The following OSMR variants were observed in gnomAD, a reference collection of about 807,000 sequenced individuals.
OSMR encodes the protein oncostatin-M-specific receptor subunit beta.
A neutral mutation model predicts 99.9 loss-of-function variants in OSMR; 81 were observed. That is an observed-to-expected ratio of 0.81 (90% confidence interval 0.68 to 0.97). The LOEUF is 0.97. OSMR is among the 50% of genes least tolerant of loss of function. OSMR has a pLI of 0.00. For synonymous variants in OSMR, 406 were observed against 410.4 expected (o/e 0.99, Z 0.13); for missense variants, 1,099 against 1,153.4 (o/e 0.95, Z 0.68).
intron 9 of OSMR, among the ~76,000 whole-genome samples, chr5:38,908,547 C>G (rs1745386503): frequency 6.6e-6 from 1 of 152,226 alleles, no homozygotes; most frequent in South Asian, 2.1e-4. Context: ...TCAGTTCGGC[C>G]TCTCCAACAC....
chr5:38,884,700 T>C (rs1297601482), intron 5 of OSMR, among the ~76,000 whole-genome samples: 1 of 152,226 alleles, frequency 6.6e-6, no homozygotes, highest in African/African-American at 2.4e-5. Flanking sequence ...GTGCAGTAAA[T>C]TGGTTCCATC....
intron 1 of OSMR, among the ~76,000 whole-genome samples, chr5:38,862,712 T>C (rs1346729285): frequency 1.4e-5 from 2 of 147,460 alleles, no homozygotes; most frequent in Non-Finnish European, 3.0e-5. Flanking sequence ...CCTCACTTCC[T>C]AGATGGGATG....
chr5:38,890,764 G>A (rs571813743), intron 7 of OSMR, among the ~76,000 whole-genome samples: 3 of 152,250 alleles, frequency 2.0e-5, no homozygotes, highest in Non-Finnish European at 4.4e-5. Context: ...TAAAGAAGTT[G>A]GGAGCCTCTA....
chr5:38,892,517 A>T (rs182877297), intron 7 of OSMR, among the ~76,000 whole-genome samples: 96 of 152,242 alleles, frequency 6.3e-4, no homozygotes, highest in Non-Finnish European at 9.1e-4. Context: ...ACTTCCCCTG[A>T]AGCCTGAGAT....
Position 38,883,905 on chromosome 5 carries a change from T to C in OSMR, c.497T>C (p.Ile166Thr). 1 of 1,613,740 alleles carries C rather than the reference T, an allele frequency of 6.2e-7. No homozygotes were observed. The highest frequency in any genetic ancestry group is 1.3e-5 in the African/African-American group (1 of 75,046). Residue 166 changes from isoleucine (I) to threonine (T), a missense_variant, in exon 5 of 18, where the codon ATT becomes ACT. Transcript: ENST00000274276. The stretch of plus-strand genomic sequence containing the variant: ...GTGGAAGAAGGCACCAATGTTACCA[T>C]TTGTTACGTTTCTAGGAACATTCAA... The part of the protein sequence containing the change: ...KLVEEGTNVT[I>T]CYVSRNIQNN...
intron 2 of OSMR, among the ~76,000 whole-genome samples, chr5:38,874,680 G>A (rs868271718): frequency 3.9e-5 from 6 of 152,166 alleles, no homozygotes; most frequent in East Asian, 3.8e-4. Flanking sequence ...ATTCCATTCC[G>A]TGCAAACTTT....
chr5:38,922,713 G>T (rs537506736), intron 12 of OSMR, among the ~76,000 whole-genome samples: 2 of 152,212 alleles, frequency 1.3e-5, no homozygotes, highest in African/African-American at 4.8e-5. Flanking sequence ...AATATCGTGG[G>T]GATGAAATAC....
rs769557028 is a variant in OSMR, at chr5:38,919,020, TCTC to T, written c.1546_1548del (p.Pro516del). ...CATAGCCAACAACAGTGTGGGTGCT[TCTC>T]CTGCTTCTGTAATAGTCATCTCTGC... On this transcript the variant is annotated inframe_deletion, in exon 11 of 18. Coordinates refer to ENST00000274276, the MANE Select transcript of OSMR (RefSeq NM_003999.3). 15 of 1,614,110 alleles carry T rather than the reference TCTC, an allele frequency of 9.3e-6. No homozygotes were observed. Among genetic ancestry groups the T allele is most frequent in the Non-Finnish European group, 1.3e-5 (15 of 1,179,970 alleles).
At chr5:38,887,292 C>T (rs1306631477) in intron 7 of OSMR, among the ~76,000 whole-genome samples, 1 of 151,976 alleles carries the variant, frequency 6.6e-6, no homozygotes, top group Admixed American at 6.6e-5. Context: ...CATTTCCTAC[C>T]CCAAGATCAG....
chr5:38,932,506 A>G lies in OSMR; in HGVS notation c.2338A>G (p.Ser780Gly). Residue 780 changes from serine to glycine, a missense_variant, in exon 17 of 18, where the codon AGC becomes GGC. Transcript: ENST00000274276. ...TCCTGACATCCCTGACCCTTACAAG[A>G]GCAGCATCCTGTCATTAATAAAATT... ...CYPDIPDPYK[S>G]SILSLIKFKE... The G allele has an allele frequency of 6.2e-7, 1 of 1,613,850 alleles. No homozygotes were observed. The highest frequency in any genetic ancestry group is 1.7e-5 in the Admixed American group (1 of 60,022).
At chr5:38,938,471 CT>C (rs1206376191), downstream of OSMR, 3 of 231,502 alleles carry the variant, frequency 1.3e-5, no homozygotes, top group Non-Finnish European at 2.6e-5. Context: ...GAAAGGTATG[CT>C]TTTTTTGGCA....
rs58159819 is a variant in OSMR, at chr5:38,898,950, C to CTTTTTTTTTTT, written c.992-4918_992-4908dup. On this transcript the variant is annotated intron_variant, in intron 7 of 17. Coordinates refer to ENST00000274276, the MANE Select transcript of OSMR (RefSeq NM_003999.3). The stretch of plus-strand genomic sequence containing the variant: ...TTTGTTGTTTCTATTTACATAATAT[C>CTTTTTTTTTTT]TTTTTTTTTTTTTTTTTTTTTTTTG... Among the ~76,000 whole-genome samples, 15 of 78,288 alleles carry CTTTTTTTTTTT rather than the reference C, an allele frequency of 1.9e-4. 2 individuals carry two copies. Among genetic ancestry groups the CTTTTTTTTTTT allele is most frequent in the East Asian group, 3.4e-4 (1 of 2,972 alleles). 51.4% of individuals were successfully genotyped at this position (78,288 alleles called of 152,430 possible). A position where few individuals can be genotyped will look rare whatever the true frequency, so the allele number is the denominator to read the frequency against.
In OSMR at chr5:38,932,964, C is replaced by T. The variant is rs760919278; in HGVS notation, c.2460C>T (p.Phe820=). ...AGCCAGAAGGGACAAAGATACAGTTCCTAGGCACTAGGAAGTCACTCACAG... is the reference window on the plus strand; with the variant it reads ...AGCCAGAAGGGACAAAGATACAGTTTCTAGGCACTAGGAAGTCACTCACAG... ...VSKPEGTKIQ[F]LGTRKSLTET... is the part of the protein sequence containing the mutation. The change falls in exon 18 of 18, where the codon TTC becomes TTT. Residue 820 remains phenylalanine, a synonymous_variant. Coordinates refer to ENST00000274276, the MANE Select transcript of OSMR (RefSeq NM_003999.3). 6.2e-7 allele frequency: 1 copy of T among 1,614,164 alleles called. No homozygotes were observed. Among genetic ancestry groups the T allele is most frequent in the East Asian group, 2.2e-5 (1 of 44,884 alleles).
At chr5:38,940,975 T>C (rs994244178) in intron 1 of OSMR, 2 of 232,776 alleles carry the variant, frequency 8.6e-6, no homozygotes, top group East Asian at 6.1e-5. Context: ...TCCAGCTGGA[T>C]TTTCTATTTC....
chr5:38,855,856 T>C (rs1364611995), intron 1 of OSMR, among the ~76,000 whole-genome samples: 2 of 152,164 alleles, frequency 1.3e-5, no homozygotes, highest in African/African-American at 2.4e-5. Flanking sequence ...GTGGCTCCCA[T>C]CTGGCCCAGA....
intron 6 of OSMR, 180 bp from the exon 7 acceptor site, chr5:38,885,859 G>A (rs1322093919): frequency 1.0e-6 from 1 of 984,572 alleles, no homozygotes; most frequent in Non-Finnish European, 1.2e-6. Flanking sequence ...CAGCACGTAT[G>A]TCAAATTTGT....
Position 38,862,266 on chromosome 5 carries a change from G to A in OSMR, c.-13-6766G>A, listed in dbSNP as rs1352454295. Among the ~76,000 whole-genome samples, 276 of 98,644 alleles carry A rather than the reference G, an allele frequency of 2.8e-3. 39 individuals are homozygous for A. The highest frequency in any genetic ancestry group is 0.016 in the East Asian group (26 of 1,644). The allele number at this position is 98,644 out of a possible 152,430, so 64.7% of individuals were successfully genotyped here. A position where few individuals can be genotyped will look rare whatever the true frequency, so the allele number is the denominator to read the frequency against. ...GGGGCTGACCCCCTACCTCCCTCCC[G>A]GACGGGGCGGCTGGCTGGGCGGGGG... On this transcript the variant is annotated intron_variant, in intron 1 of 17. Transcript: ENST00000274276.
At chr5:38,847,996 ATC>A (rs1248615143) in intron 1 of OSMR, among the ~76,000 whole-genome samples, 18 of 152,142 alleles carry the variant, frequency 1.2e-4, no homozygotes, top group Non-Finnish European at 2.6e-4. Flanking sequence ...GTGTTCCTGG[ATC>A]TCTCATGTTT....
rs61559728 is a variant in OSMR at position 38,852,718 on chromosome 5, A to ATTTTTTTTTTTTTTTT, written c.-14+6346_-14+6361dup. On this transcript the variant is annotated intron_variant, in intron 1 of 17. Coordinates refer to ENST00000274276, the MANE Select transcript of OSMR (RefSeq NM_003999.3). ...GATACATATTGAAACTATTGTTTTC[A>ATTTTTTTTTTTTTTTT]TTTTTTTTTTTTTTTTTTTTTTTTT... Among the ~76,000 whole-genome samples, 97 of 70,680 alleles carry ATTTTTTTTTTTTTTTT rather than the reference A, an allele frequency of 1.4e-3. 18 individuals are homozygous for ATTTTTTTTTTTTTTTT. The highest frequency in any genetic ancestry group is 2.6e-3 in the African/African-American group (49 of 18,690). 46.4% of individuals were successfully genotyped at this position (70,680 alleles called of 152,430 possible).
Sources: allele counts gnomAD v4.1 joint callset (sites outside exome capture counted in the v4.1 genomes callset), GRCh38; gene constraint gnomAD v4.1.1; transcripts MANE v1.5; gene names NCBI Gene and HGNC (gene_info 2026-07-23, HGNC 2026-07-21).